The following KCNQ2 variants were observed in gnomAD, a reference collection of about 807,000 sequenced individuals.
KCNQ2 encodes potassium voltage-gated channel subfamily KQT member 2.
In KCNQ2, 14 loss-of-function variants were observed where a neutral mutation model predicts 84.8. That is an observed-to-expected ratio of 0.17 (90% CI 0.11 to 0.26). The LOEUF (loss-of-function observed/expected upper bound fraction) is 0.26. KCNQ2 is among the 10% of genes least tolerant of loss of function. The probability of loss-of-function intolerance (pLI) is 1.00; values close to 1 mark genes in which losing one functional copy is unlikely to be tolerated. For synonymous variants in KCNQ2, 599 were observed against 554.1 expected, an observed-to-expected ratio of 1.08 and a Z score of -1.14; for missense variants, 788 against 1,254.0, an observed-to-expected ratio of 0.63 and a Z score of 5.61.
intron 3 of KCNQ2, 33 bp from the exon 4 acceptor site, chr20:63,444,867 G>A: frequency 6.4e-7 from 1 of 1,558,550 alleles, no homozygotes; most frequent in Non-Finnish European, 8.7e-7. Context: ...GTGAGCTGCT[G>A]GGCCGCTCCC....
intron 4 of KCNQ2, among the ~76,000 whole-genome samples, 155 bp downstream of exon 4, chr20:63,444,504 G>T (rs181231488): frequency 3.9e-5 from 6 of 152,194 alleles, no homozygotes; most frequent in African/African-American, 1.4e-4. Context: ...AGGGAGGCTC[G>T]TTCACACCTG....
intron 5 of KCNQ2, among the ~76,000 whole-genome samples, chr20:63,442,160 AG>A (rs1240530563): frequency 6.6e-6 from 1 of 152,164 alleles, no homozygotes; most frequent in African/African-American, 2.4e-5. Context: ...GGCTGAGCTC[AG>A]GAGGAAGGAA....
rs1477317706 is a variant in KCNQ2, at chr20:63,401,202, GC to G, written c.*5441del. The G allele has an allele frequency of 6.6e-5, 16 of 243,156 alleles. No homozygotes were observed. 15.1% of individuals were successfully genotyped at this position (243,156 alleles called of 1,614,324 possible). ...AAACGCCTTTTAAAACTCTGAAGAG[GC>G]CCCTCCATCCCAAATGGTCCCCTCC... is the stretch of plus-strand genomic sequence containing the variant. On this transcript the variant is annotated 3_prime_UTR_variant, in exon 17 of 17. Transcript: ENST00000359125.
In KCNQ2 at chr20:63,408,434, C is replaced by A; in HGVS notation, c.1866G>T (p.Arg622=). The change falls in exon 16 of 17, where the codon CGG becomes CGT. Residue 622 remains arginine, a synonymous_variant. Transcript: ENST00000359125. This position sits in a 1 kb window ranked among gnomAD's most constrained non-coding sequence, Gnocchi z 5.0. ...GCACCTGCTTCTCCACCTTCCCGAG[C>A]CGTCCCATCATGCTGGGGTCCTCGG... ...ELPEDPSMMG[R]LGKVEKQVLS... 6.2e-7 allele frequency: 1 copy of A among 1,609,082 alleles called. No homozygotes were observed.
At chr20:63,467,125 C>T (rs1383093455) in intron 1 of KCNQ2, among the ~76,000 whole-genome samples, 4 of 152,132 alleles carry the variant, frequency 2.6e-5, no homozygotes, top group Non-Finnish European at 4.4e-5. Context: ...GCCGCTGGCC[C>T]CAGCCTCCCG....
intron 12 of KCNQ2, among the ~76,000 whole-genome samples, chr20:63,415,809 G>A (rs777030414): frequency 5.3e-5 from 8 of 151,986 alleles, no homozygotes; most frequent in Non-Finnish European, 1.0e-4. Context: ...CCCGCCCGTG[G>A]TTTCCCCTGT....
intron 11 of KCNQ2, among the ~76,000 whole-genome samples, chr20:63,423,135 C>G (rs1342102353): frequency 6.6e-6 from 1 of 152,200 alleles, no homozygotes; most frequent in East Asian, 1.9e-4. Flanking sequence ...GATGAATGAG[C>G]CCCTGGTGGT....
chr20:63,407,812 G>A lies in KCNQ2; in HGVS notation c.1888-437C>T, dbSNP rs2079996168. Among the ~76,000 whole-genome samples, 2 of 152,118 alleles carry A rather than the reference G, an allele frequency of 1.3e-5. No homozygotes were observed. Among genetic ancestry groups the A allele is most frequent in the African/African-American group, 4.8e-5 (2 of 41,412 alleles). On this transcript the variant is annotated intron_variant, in intron 16 of 16. Transcript: ENST00000359125. This position sits in a 1 kb window ranked among gnomAD's most constrained non-coding sequence, Gnocchi z 7.2. ...CCTGGAAGCTGGAGGAGCGGGAAGA[G>A]GAGGCCCAGGAGCAGCTCTTCCTCC...
intron 7 of KCNQ2, among the ~76,000 whole-genome samples, chr20:63,435,060 G>A (rs4809559): frequency 6.6e-6 from 1 of 152,134 alleles, no homozygotes; most frequent in South Asian, 2.1e-4. Flanking sequence ...CAGCAGGGGG[G>A]GCGGTGTCCA....
At chr20:63,433,427 A>T (rs2080889842) in intron 8 of KCNQ2, 1 of 438,872 alleles carries the variant, frequency 2.3e-6, no homozygotes, top group African/African-American at 2.0e-5. Flanking sequence ...TACTGGTTCC[A>T]CTCTTGAAGC....
At chr20:63,409,665 T>A (rs1051639188) in intron 15 of KCNQ2, among the ~76,000 whole-genome samples, 3 of 152,182 alleles carry the variant, frequency 2.0e-5, no homozygotes, top group Non-Finnish European at 2.9e-5. Flanking sequence ...TGGGGCCTGG[T>A]ACATGAAGAC....
rs2080229781 is a variant in KCNQ2 at position 63,414,686 on chromosome 20, ACTC to A, written c.1525+214_1525+216del. On this transcript the variant is annotated intron_variant, in intron 13 of 16. Transcript: ENST00000359125. This position sits in a 1 kb window ranked among gnomAD's most constrained non-coding sequence, Gnocchi z 6.6. ...GAACTAGGCTGAGGTGGTGGTGACA[ACTC>A]CACCGTGAGCGTGCTACATGCCACT... Among the ~76,000 whole-genome samples the A allele has an allele frequency of 6.6e-6, 1 of 150,398 alleles. No individual in the cohort carries two copies. Among genetic ancestry groups the A allele is most frequent in the Non-Finnish European group, 1.5e-5 (1 of 67,678 alleles).
At chr20:63,422,725 T>G (rs910460237) in intron 11 of KCNQ2, 1 of 151,214 alleles carries the variant, frequency 6.6e-6, no homozygotes, top group Admixed American at 6.6e-5. Context: ...GGGCAGCGGG[T>G]GTCCAGATGG....
intron 11 of KCNQ2, 182 bp downstream of exon 11, chr20:63,423,995 G>T: frequency 1.5e-6 from 1 of 660,522 alleles, no homozygotes; most frequent in Admixed American, 2.4e-5. Flanking sequence ...GGGTGAGCAG[G>T]AAGAGTGATT....
In KCNQ2 at chr20:63,407,222, C is replaced by T. The variant is rs1380546879; in HGVS notation, c.2041G>A (p.Asp681Asn). 6 of 1,604,252 alleles carry T rather than the reference C, an allele frequency of 3.7e-6. No homozygotes were observed. In the South Asian group the frequency reaches 4.4e-5, roughly 12 times the overall value. Residue 681 changes from aspartate (D) to asparagine (N), a missense_variant, in exon 17 of 17, where the codon GAC becomes AAC. Asp to Asn is a conservative substitution (Grantham distance 23). Around this residue, in one of 8 missense-constraint regions of KCNQ2, gnomAD observed 378 missense variants for 434.5 expected, o/e 0.87. Transcript: ENST00000359125. This position sits in a 1 kb window ranked among gnomAD's most constrained non-coding sequence, Gnocchi z 7.2. ...ATCTTGACAATGCAGCCGTGCCTGT[C>T]GACATGCTCCCGGCTGTCTTCCGGG... Reference protein sequence around the residue: ...HSPEDSREHVDRHGCIVKIVR... With the variant: ...HSPEDSREHVNRHGCIVKIVR...
chr20:63,411,334 C>A (rs1056098660), intron 15 of KCNQ2, among the ~76,000 whole-genome samples: 2 of 152,226 alleles, frequency 1.3e-5, no homozygotes, highest in African/African-American at 4.8e-5. Context: ...CCCACCCCCA[C>A]AGTGGGCAGG....
At chr20:63,449,501 A>T (rs951333341) in intron 1 of KCNQ2, among the ~76,000 whole-genome samples, 3 of 152,240 alleles carry the variant, frequency 2.0e-5, no homozygotes, top group African/African-American at 7.2e-5. Flanking sequence ...TTTAGTGAGC[A>T]CAGGTCAGCG....
In KCNQ2 at chr20:63,472,465, G is replaced by A. The variant is rs1244681796; in HGVS notation, c.-2C>T. The A allele has an allele frequency of 2.0e-6, 3 of 1,500,882 alleles. No homozygotes were observed. The highest frequency in any genetic ancestry group is 1.5e-5 in the African/African-American group (1 of 68,924). 93.0% of individuals were successfully genotyped at this position (1,500,882 alleles called of 1,614,324 possible). On this transcript the variant is annotated 5_prime_UTR_variant, in exon 1 of 17. Coordinates refer to ENST00000359125, the MANE Select transcript of KCNQ2 (RefSeq NM_172107.4). ...GCCGTTGCGCGACTTCTGCACCATG[G>A]TGCCTGGCGGGAGGCGCCCCGGGTC...
At chr20:63,430,588 G>A (rs1429810823) in intron 9 of KCNQ2, among the ~76,000 whole-genome samples, 2 of 152,242 alleles carry the variant, frequency 1.3e-5, no homozygotes, top group African/African-American at 2.4e-5. Context: ...CAGAGCACAA[G>A]CCTGCCCACC....
Sources: gnomAD v4.1 joint callset for allele counts (sites outside exome capture counted in the v4.1 genomes callset) on GRCh38, gnomAD v4.1.1 for gene constraint, gnomAD v4.1.1 regional missense constraint, Gnocchi (gnomAD v3.1) non-coding constraint, MANE v1.5 for transcripts, NCBI Gene and HGNC (gene_info 2026-07-23, HGNC 2026-07-21) for gene names.